The following PDIA5 variants were observed in gnomAD, a reference collection of about 807,000 sequenced individuals.
PDIA5 encodes the protein protein disulfide-isomerase A5.
PDIA5 carries 58 observed loss-of-function variants against 77.6 expected under a neutral mutation model. The ratio of observed to expected loss-of-function variants is 0.75; its 90% CI spans 0.61 to 0.93. The LOEUF (loss-of-function observed/expected upper bound fraction) is 0.93, where lower values mean the gene tolerates loss of function less well. Ranked by LOEUF, PDIA5 falls within the 40% of genes least tolerant of loss-of-function variation. The pLI is 0.00. For missense variants in PDIA5, 630 were observed against 647.7 expected (o/e 0.97, Z 0.30); for synonymous variants, 250 against 252.1 (o/e 0.99, Z 0.08).
chr3:123,096,452 G>T (rs1350833648), intron 3 of PDIA5, among the ~76,000 whole-genome samples: 1 of 152,168 alleles, frequency 6.6e-6, no homozygotes, highest in Non-Finnish European at 1.5e-5. Context: ...GCCTCCCAAA[G>T]TCCTGGGATT....
In PDIA5 at chr3:123,067,219, G is replaced by C; in HGVS notation, c.42+13G>C. ...GCTGGCAATCTGGGTGAGACTGTGGGGCAGGGATCCGGGCCGGGCCAGCAC... is the reference window on the plus strand; with the variant it reads ...GCTGGCAATCTGGGTGAGACTGTGGCGCAGGGATCCGGGCCGGGCCAGCAC... On this transcript the variant is annotated intron_variant, in intron 1 of 16. Coordinates refer to ENST00000316218, the MANE Select transcript of PDIA5 (RefSeq NM_006810.4). The C allele has an allele frequency of 8.0e-7, 1 of 1,245,290 alleles. No homozygotes were observed. Among genetic ancestry groups the C allele is most frequent in the Non-Finnish European group, 1.0e-6 (1 of 988,842 alleles). The allele number at this position is 1,245,290 out of a possible 1,614,324, so 77.1% of individuals were successfully genotyped here.
intron 11 of PDIA5, among the ~76,000 whole-genome samples, chr3:123,140,892 T>C (rs1181921461): frequency 6.6e-6 from 1 of 152,236 alleles, no homozygotes; most frequent in South Asian, 2.1e-4. Flanking sequence ...TGGCTTCCCA[T>C]GCCTGTGGCA....
intron 1 of PDIA5, among the ~76,000 whole-genome samples, chr3:123,071,428 T>C (rs1222549503): frequency 6.6e-6 from 1 of 152,180 alleles, no homozygotes; most frequent in East Asian, 1.9e-4. Flanking sequence ...GTTCCTGGCA[T>C]CTCCTGTAGA....
intron 15 of PDIA5, among the ~76,000 whole-genome samples, chr3:123,157,533 C>T (rs1052517702): frequency 7.2e-5 from 11 of 152,186 alleles, no homozygotes; most frequent in Non-Finnish European, 5.9e-5. Context: ...AACTGGGTCT[C>T]CTGACACCCC....
intron 7 of PDIA5, among the ~76,000 whole-genome samples, chr3:123,115,891 C>T (rs1381996999): frequency 1.3e-5 from 2 of 152,254 alleles, no homozygotes; most frequent in Non-Finnish European, 2.9e-5. Context: ...CTCTTGACAC[C>T]TGTTCTGGTT....
rs576637912 is a variant in PDIA5, at chr3:123,105,526, C to T, written c.388-1223C>T. Among the ~76,000 whole-genome samples, 12 of 152,282 alleles carry T rather than the reference C, an allele frequency of 7.9e-5. No homozygotes were observed. In the South Asian group the frequency reaches 1.0e-3, roughly 13 times the overall value. On this transcript the variant is annotated intron_variant, in intron 5 of 16. Transcript: ENST00000316218. The stretch of plus-strand genomic sequence containing the variant: ...AAATGGCTGTTCTTTTGCCAGGAGG[C>T]GTTTCACAGCTCCACTTGGACAGGC...
At chr3:123,100,866 G>A (rs1350114944) in intron 3 of PDIA5, among the ~76,000 whole-genome samples, 2 of 152,242 alleles carry the variant, frequency 1.3e-5, no homozygotes, top group Non-Finnish European at 2.9e-5. Flanking sequence ...GGTGAGGCAT[G>A]TAAGCAACTG....
At chr3:123,137,320 C>T (rs1935525305) in intron 11 of PDIA5, among the ~76,000 whole-genome samples, 1 of 152,194 alleles carries the variant, frequency 6.6e-6, no homozygotes, top group Non-Finnish European at 1.5e-5. Flanking sequence ...TTCCATGGAC[C>T]ACCTATTCAT....
intron 1 of PDIA5, among the ~76,000 whole-genome samples, chr3:123,079,172 A>ATTT (rs777908606): frequency 7.7e-6 from 1 of 129,956 alleles, no homozygotes; most frequent in Non-Finnish European, 1.7e-5. Flanking sequence ...TATATTTTGA[A>ATTT]TTCTTTTTTT....
At chr3:123,095,233 A>G (rs1934402094) in intron 3 of PDIA5, among the ~76,000 whole-genome samples, 1 of 152,222 alleles carries the variant, frequency 6.6e-6, no homozygotes, top group Non-Finnish European at 1.5e-5. Context: ...TTTATAAAAT[A>G]GGAAATACAA....
At chr3:123,084,606 A>G (rs1198801715) in intron 1 of PDIA5, among the ~76,000 whole-genome samples, 1 of 151,686 alleles carries the variant, frequency 6.6e-6, no homozygotes, top group Admixed American at 6.6e-5. Context: ...TACCTGTCCA[A>G]AACCTGAGCC....
intron 15 of PDIA5, among the ~76,000 whole-genome samples, chr3:123,157,189 G>A (rs1936040161): frequency 1.3e-5 from 2 of 152,196 alleles, no homozygotes; most frequent in Non-Finnish European, 2.9e-5. Context: ...CTCTCTGTCT[G>A]AGGCAGGTGG....
intron 3 of PDIA5, among the ~76,000 whole-genome samples, chr3:123,094,946 G>T (rs1369663269): frequency 2.0e-5 from 3 of 152,204 alleles, no homozygotes; most frequent in Non-Finnish European, 4.4e-5. Context: ...CCCTTTAAAA[G>T]GCAGGTGAGG....
chr3:123,155,821 C>T (rs893287441), intron 15 of PDIA5, among the ~76,000 whole-genome samples: 24 of 152,122 alleles, frequency 1.6e-4, no homozygotes, highest in African/African-American at 5.3e-4. Flanking sequence ...CCCAGAGTCA[C>T]GTGCAGGGGT....
intron 1 of PDIA5, among the ~76,000 whole-genome samples, chr3:123,082,450 G>T (rs1934034605): frequency 2.0e-5 from 3 of 152,126 alleles, no homozygotes; most frequent in Admixed American, 2.0e-4. Context: ...ATTGTGAGGG[G>T]TAAACGAGTT....
At chr3:123,157,549 G>GAAAAACC in intron 15 of PDIA5, among the ~76,000 whole-genome samples, 1 of 152,158 alleles carries the variant, frequency 6.6e-6, no homozygotes, top group East Asian at 1.9e-4. Flanking sequence ...ACCCCAAGCT[G>GAAAAACC]CCACTTCTTA....
At chr3:123,070,104 A>C (rs980933235) in intron 1 of PDIA5, among the ~76,000 whole-genome samples, 11 of 146,414 alleles carry the variant, frequency 7.5e-5, no homozygotes, top group Non-Finnish European at 4.5e-5. Flanking sequence ...AAAAAAAAAA[A>C]GAAGAAGAAG....
chr3:123,120,736 T>C lies in PDIA5; in HGVS notation c.610-3330T>C, dbSNP rs1331137633. 2.6e-5 allele frequency among the ~76,000 whole-genome samples: 4 copies of C among 152,328 alleles called. No homozygotes were observed. In the East Asian group the frequency reaches 5.8e-4, roughly 22 times the overall value. On this transcript the variant is annotated intron_variant, in intron 8 of 16. Transcript: ENST00000316218. Reference sequence around the variant, plus strand: ...TGCATGTCTGAAAATTCAGTATCTTTCCATCTGGCAGACTGTGAACTTTGC... The same window carrying C: ...TGCATGTCTGAAAATTCAGTATCTTCCCATCTGGCAGACTGTGAACTTTGC...
chr3:123,097,196 A>G (rs1370276377), intron 3 of PDIA5, among the ~76,000 whole-genome samples: 2 of 152,194 alleles, frequency 1.3e-5, no homozygotes, highest in Non-Finnish European at 2.9e-5. Context: ...CATGTTCAAC[A>G]TTACTTACCA....
Sources: gnomAD v4.1 joint callset for allele counts (sites outside exome capture counted in the v4.1 genomes callset) on GRCh38, gnomAD v4.1.1 for gene constraint, MANE v1.5 for transcripts, NCBI Gene and HGNC (gene_info 2026-07-23, HGNC 2026-07-21) for gene names.